MLLT10: variants seen among roughly 807,000 people sequenced by gnomAD.
MLLT10 encodes the protein MLLT10 histone lysine methyltransferase DOT1L cofactor.
MLLT10 carries 30 observed loss-of-function variants against 129.1 expected under a neutral mutation model. That is an observed-to-expected ratio of 0.23 (90% confidence interval 0.17 to 0.32). The LOEUF (loss-of-function observed/expected upper bound fraction) is 0.32. Ranked by LOEUF, MLLT10 falls within the 10% of genes least tolerant of loss-of-function variation. The probability of loss-of-function intolerance (pLI) is 1.00; values close to 1 mark genes in which losing one functional copy is unlikely to be tolerated. For synonymous variants in MLLT10, 490 were observed against 446.4 expected (o/e 1.10, Z -1.23); for missense variants, 1,119 against 1,268.3 (o/e 0.88, Z 1.79).
rs146711606 is a variant in MLLT10, at chr10:21,538,186, C to T, written c.161-647C>T. Among the ~76,000 whole-genome samples, 847 of 144,380 alleles carry T rather than the reference C, an allele frequency of 5.9e-3. 10 individuals carry two copies. The highest frequency in any genetic ancestry group is 0.02 in the African/African-American group (787 of 38,730). The allele number at this position is 144,380 out of a possible 152,430, so 94.7% of individuals were successfully genotyped here. On this transcript the variant is annotated intron_variant, in intron 2 of 22. Transcript: ENST00000307729. ...TTTTTTTTTTTTTTTAAATTTGAGA[C>T]GGAGTTTCACTCTTATTGCCCAGGC...
intron 13 of MLLT10, among the ~76,000 whole-genome samples, chr10:21,705,877 C>A (rs970883449): frequency 6.6e-6 from 1 of 152,228 alleles, no homozygotes; most frequent in African/African-American, 2.4e-5. Flanking sequence ...CTCGCAGTTC[C>A]TTATGTTTAT....
chr10:21,554,501 TAGAGTGCAGTGATGTG>T (rs2037598077), intron 3 of MLLT10, among the ~76,000 whole-genome samples: 1 of 151,306 alleles, frequency 6.6e-6, no homozygotes, highest in Admixed American at 6.6e-5. Context: ...GACCCCAGGC[TAGAGTGCAGTGATGTG>T]AGCTCAGCTC....
chr10:21,702,873 C>A (rs2055059945), intron 13 of MLLT10, among the ~76,000 whole-genome samples: 1 of 152,068 alleles, frequency 6.6e-6, no homozygotes, highest in Non-Finnish European at 1.5e-5. Context: ...TTTTTTAATT[C>A]ATTCACCTAG....
intron 4 of MLLT10, among the ~76,000 whole-genome samples, chr10:21,594,056 A>G (rs569138019): frequency 2.7e-5 from 4 of 148,214 alleles, no homozygotes; most frequent in Non-Finnish European, 5.9e-5. Flanking sequence ...GTAATTTAGG[A>G]TTACCTTCGT....
chr10:21,717,822 C>T (rs1434255708), intron 14 of MLLT10, among the ~76,000 whole-genome samples: 3 of 133,330 alleles, frequency 2.3e-5, no homozygotes, highest in Non-Finnish European at 3.2e-5. Context: ...TCCTTCTTCT[C>T]CTCCTTCTCC....
In MLLT10 at chr10:21,540,927, A is replaced by G. The variant is rs190387029; in HGVS notation, c.240+2015A>G. Among the ~76,000 whole-genome samples the G allele has an allele frequency of 8.1e-4, 123 of 152,244 alleles. 1 individual carries two copies. The highest frequency in any genetic ancestry group is 2.9e-3 in the African/African-American group (119 of 41,560). Reference sequence around the variant, plus strand: ...GTAATCCTTGCACTGTGGGAGGCCAAAGTGGGTGGATGACCTGAGGTCAGG... The same window carrying G: ...GTAATCCTTGCACTGTGGGAGGCCAGAGTGGGTGGATGACCTGAGGTCAGG... On this transcript the variant is annotated intron_variant, in intron 3 of 22. Coordinates refer to ENST00000307729, the MANE Select transcript of MLLT10 (RefSeq NM_001195626.3).
intron 9 of MLLT10, among the ~76,000 whole-genome samples, chr10:21,667,633 G>A (rs2050957836): frequency 6.6e-6 from 1 of 151,848 alleles, no homozygotes; most frequent in African/African-American, 2.4e-5. Context: ...CACTTGAATA[G>A]TACATTATTT....
chr10:21,625,987 T>G (rs1048013538), intron 8 of MLLT10: 1 of 926,722 alleles, frequency 1.1e-6, no homozygotes, highest in African/African-American at 1.6e-5. Context: ...ACACACTGTT[T>G]GGTGGAGGCC....
At chr10:21,563,898 C>T (rs1047432537) in intron 3 of MLLT10, among the ~76,000 whole-genome samples, 2 of 151,716 alleles carry the variant, frequency 1.3e-5, no homozygotes, top group Admixed American at 6.6e-5. Context: ...CTGCGGGCTC[C>T]ACCTCCCAGG....
At chr10:21,614,725 G>A (rs752976669) in intron 6 of MLLT10, 106 bp from the exon 7 acceptor site, 134 of 793,720 alleles carry the variant, frequency 1.7e-4, no homozygotes, top group Non-Finnish European at 2.1e-4. Flanking sequence ...CTTAGGAGAT[G>A]TTATTTTCTC....
At chr10:21,648,486 T>C (rs938418658) in intron 8 of MLLT10, among the ~76,000 whole-genome samples, 1 of 152,208 alleles carries the variant, frequency 6.6e-6, no homozygotes, top group African/African-American at 2.4e-5. Flanking sequence ...TTCAGGATCA[T>C]TCACCATTAA....
chr10:21,660,591 G>A (rs866421335), intron 9 of MLLT10, among the ~76,000 whole-genome samples: 19 of 143,892 alleles, frequency 1.3e-4, no homozygotes, highest in Middle Eastern at 6.9e-3. Flanking sequence ...ACTCCAGCGC[G>A]GGTGACAGAG....
rs551261454 is a variant in MLLT10 at position 21,658,301 on chromosome 10, C to G, written c.795+6533C>G. ...CATCCTTCCCCAAGCAACTACTGAT[C>G]TGCTTTTTGTCAGTTTAAATTAGTT... On this transcript the variant is annotated intron_variant, in intron 9 of 22. Coordinates refer to ENST00000307729, the MANE Select transcript of MLLT10 (RefSeq NM_001195626.3). Among the ~76,000 whole-genome samples the G allele has an allele frequency of 2.0e-5, 3 of 152,272 alleles. No homozygotes were observed. The South Asian group carries it at 6.2e-4, about 32-fold the overall frequency.
At position 21,534,316 on chromosome 10, in the gene MLLT10, C is replaced by CG. The variant is rs1554774979; in HGVS notation, c.-205_-204insG. 8 of 394,422 alleles carry CG rather than the reference C, an allele frequency of 2.0e-5. No homozygotes were observed. Among genetic ancestry groups the CG allele is most frequent in the South Asian group, 2.2e-4 (2 of 9,242 alleles). 24.4% of individuals were successfully genotyped at this position (394,422 alleles called of 1,614,324 possible). A position where few individuals can be genotyped will look rare whatever the true frequency, so the allele number is the denominator to read the frequency against. On this transcript the variant is annotated 5_prime_UTR_variant, in exon 1 of 23. Coordinates refer to ENST00000307729, the MANE Select transcript of MLLT10 (RefSeq NM_001195626.3). Reference sequence around the variant, plus strand: ...CCTGGCCCAGCGGGAGCCCCCCCTCCCCCCAGTGCGCCTGTGCGGAGGCCC... The same window carrying CG: ...CCTGGCCCAGCGGGAGCCCCCCCTCCGCCCCAGTGCGCCTGTGCGGAGGCCC...
chr10:21,698,696 G>A (rs996426327), intron 13 of MLLT10, among the ~76,000 whole-genome samples: 34 of 152,284 alleles, frequency 2.2e-4, no homozygotes, highest in African/African-American at 7.5e-4. Context: ...TACCAATAGT[G>A]TATAAGAGTT....
intron 21 of MLLT10, among the ~76,000 whole-genome samples, chr10:21,736,690 C>G (rs1234470026): frequency 6.6e-6 from 1 of 152,150 alleles, no homozygotes; most frequent in African/African-American, 2.4e-5. Context: ...GAGAACAGAA[C>G]CCAACCAATT....
At chr10:21,681,962 A>G (rs1272364918) in intron 12 of MLLT10, among the ~76,000 whole-genome samples, 1 of 152,222 alleles carries the variant, frequency 6.6e-6, no homozygotes, top group East Asian at 1.9e-4. Flanking sequence ...ATACATATTT[A>G]TTACTAAGGA....
intron 13 of MLLT10, among the ~76,000 whole-genome samples, chr10:21,691,057 T>C (rs1260629478): frequency 6.6e-6 from 1 of 152,212 alleles, no homozygotes; most frequent in Non-Finnish European, 1.5e-5. Flanking sequence ...ACGGTAATCT[T>C]CTTGGGAAAA....
intron 6 of MLLT10, among the ~76,000 whole-genome samples, chr10:21,613,080 G>C (rs1432038869): frequency 6.7e-6 from 1 of 150,188 alleles, no homozygotes; most frequent in Non-Finnish European, 1.5e-5. Flanking sequence ...TGCAATCCTA[G>C]CTACTTGGAA....
Sources: allele counts gnomAD v4.1 joint callset (sites outside exome capture counted in the v4.1 genomes callset), GRCh38; gene constraint gnomAD v4.1.1; transcripts MANE v1.5; gene names NCBI Gene and HGNC (gene_info 2026-07-23, HGNC 2026-07-21).